Variants in DLC1 observed in about 807,000 individuals in gnomAD.
DLC1 encodes the protein DLC1 Rho GTPase activating protein, also known as rho GTPase-activating protein 7.
DLC1 carries 54 observed loss-of-function variants against 140.3 expected under a neutral mutation model. The ratio of observed to expected loss-of-function variants is 0.38; its 90% CI spans 0.31 to 0.48. The LOEUF (loss-of-function observed/expected upper bound fraction) is 0.48. Ranked by LOEUF, DLC1 falls within the 20% of genes least tolerant of loss-of-function variation. The pLI is 0.96. For missense variants in DLC1, 2,536 were observed against 1,907.0 expected (o/e 1.33, Z -6.14); for synonymous variants, 986 against 728.1 (o/e 1.35, Z -5.70).
At chr8:13,234,352 T>G (rs1414124533) in intron 5 of DLC1, among the ~76,000 whole-genome samples, 1 of 152,156 alleles carries the variant, frequency 6.6e-6, no homozygotes, top group African/African-American at 2.4e-5. Flanking sequence ...GTTCCTCATC[T>G]ACTAGTTGAA....
At chr8:13,410,909 A>G (rs910670848) in intron 2 of DLC1, among the ~76,000 whole-genome samples, 1 of 152,218 alleles carries the variant, frequency 6.6e-6, no homozygotes, top group South Asian at 2.1e-4. Context: ...TGAATGAAAT[A>G]TTCTGTTTGA....
intron 5 of DLC1, among the ~76,000 whole-genome samples, chr8:13,263,086 T>C (rs2117340583): frequency 6.6e-6 from 1 of 152,352 alleles, no homozygotes; most frequent in South Asian, 2.1e-4. Context: ...CTTGATAATT[T>C]ATCCAATATT....
At chr8:13,440,917 G>T (rs1344873328) in intron 2 of DLC1, among the ~76,000 whole-genome samples, 2 of 151,952 alleles carry the variant, frequency 1.3e-5, no homozygotes, top group Non-Finnish European at 2.9e-5. Context: ...TCTTCTTCCC[G>T]GTCTCGTGTG....
chr8:13,334,712 C>G (rs928324343), intron 4 of DLC1, among the ~76,000 whole-genome samples: 1 of 152,144 alleles, frequency 6.6e-6, no homozygotes, highest in African/African-American at 2.4e-5. Context: ...GGTGTTTGAT[C>G]TTGGCTGAAA....
intron 2 of DLC1, among the ~76,000 whole-genome samples, chr8:13,439,901 T>A (rs1798413209): frequency 1.3e-5 from 2 of 152,168 alleles, no homozygotes; most frequent in South Asian, 2.1e-4. Context: ...AAGTGAAATT[T>A]TTTTTTCTGA....
chr8:13,567,009 A>G lies in DLC1; in HGVS notation c.-126+37528T>C, dbSNP rs1206474886. The G allele has an allele frequency of 8.4e-6, 13 of 1,549,708 alleles. 2 individuals are homozygous for G. The highest frequency in any genetic ancestry group is 7.2e-5 in the South Asian group (6 of 83,838). On this transcript the variant is annotated intron_variant, in intron 1 of 1. Coordinates refer to the DLC1 transcript ENST00000631382. Reference sequence around the variant, plus strand: ...GCATTGTGATGGCCATCTGCCCAGAATTGGCCCAAACGGACAAAAGTGCTC... The same window carrying G: ...GCATTGTGATGGCCATCTGCCCAGAGTTGGCCCAAACGGACAAAAGTGCTC...
chr8:13,157,959 C>T (rs867000802), intron 5 of DLC1, among the ~76,000 whole-genome samples: 1 of 152,210 alleles, frequency 6.6e-6, no homozygotes, highest in Middle Eastern at 3.2e-3. Context: ...TAGTAGAATT[C>T]TTTGAAGTAG....
intron 5 of DLC1, chr8:13,214,815 G>C (rs1828119354): frequency 3.9e-6 from 3 of 775,128 alleles, no homozygotes; most frequent in Non-Finnish European, 7.2e-6. Flanking sequence ...AGGAGAAAAT[G>C]ATTGATTTGA....
intron 1 of DLC1, chr8:13,568,120 A>G: frequency 1.3e-6 from 1 of 752,520 alleles, no homozygotes; most frequent in Non-Finnish European, 2.0e-6. Flanking sequence ...AATAGTTATA[A>G]AAACTTTTAC....
chr8:13,297,289 A>AAAAAAAAAAAAAAAAAAAAAAAAC (rs1193610572), intron 5 of DLC1, among the ~76,000 whole-genome samples: 1 of 142,908 alleles, frequency 7.0e-6, no homozygotes, highest in African/African-American at 2.6e-5. Flanking sequence ...CATTAAAAAA[A>AAAAAAAAAAAAAAAAAAAAAAAAC]AAAAAAACTG....
At chr8:13,297,533 G>A (rs1289648800) in intron 5 of DLC1, among the ~76,000 whole-genome samples, 1 of 152,022 alleles carries the variant, frequency 6.6e-6, no homozygotes, top group Admixed American at 6.6e-5. Flanking sequence ...CATGCAAATA[G>A]AGCAAAACAT....
chr8:13,325,848 T>C (rs1833321576), intron 4 of DLC1, among the ~76,000 whole-genome samples: 1 of 152,188 alleles, frequency 6.6e-6, no homozygotes, highest in Non-Finnish European at 1.5e-5. Flanking sequence ...TAATCAGTCA[T>C]CCAATATGTA....
chr8:13,112,999 T>C (rs146640895), intron 6 of DLC1, among the ~76,000 whole-genome samples: 2 of 152,202 alleles, frequency 1.3e-5, no homozygotes, highest in Non-Finnish European at 2.9e-5. Context: ...AACTATGTTA[T>C]TTTAGGAATT....
At chr8:13,231,081 C>T (rs1829026707) in intron 5 of DLC1, among the ~76,000 whole-genome samples, 2 of 152,230 alleles carry the variant, frequency 1.3e-5, no homozygotes, top group South Asian at 4.2e-4. Flanking sequence ...TGGACCAGTA[C>T]ATACAGCACA....
In DLC1 at chr8:13,249,313, G is replaced by A. The variant is rs1211792; in HGVS notation, c.1348+55956C>T. 2.6e-3 allele frequency among the ~76,000 whole-genome samples: 400 copies of A among 152,130 alleles called. 2 individuals are homozygous for A. Among genetic ancestry groups the A allele is most frequent in the African/African-American group, 9.2e-3 (380 of 41,514 alleles). ...GGCTGGTCTCCAACTCTTGACTTCA[G>A]GCAATCCACCCGCCTCAGCCTCTCA... On this transcript the variant is annotated intron_variant, in intron 5 of 17. Coordinates refer to ENST00000276297, the MANE Select transcript of DLC1 (RefSeq NM_182643.3).
chr8:13,264,373 C>A lies in DLC1; in HGVS notation c.1348+40896G>T, dbSNP rs543323308. Among the ~76,000 whole-genome samples the A allele has an allele frequency of 9.4e-4, 143 of 152,166 alleles. 1 individual carries two copies. The highest frequency in any genetic ancestry group is 3.2e-3 in the African/African-American group (131 of 41,516). On this transcript the variant is annotated intron_variant, in intron 5 of 17. Coordinates refer to ENST00000276297, the MANE Select transcript of DLC1 (RefSeq NM_182643.3). The stretch of plus-strand genomic sequence containing the variant: ...CGGGTGTCAGCTACTGTGCCCAGCC[C>A]AGAATAAGGAACTTTATGTTCAAAC...
At chr8:13,323,919 G>C (rs1833228256) in intron 4 of DLC1, among the ~76,000 whole-genome samples, 1 of 152,204 alleles carries the variant, frequency 6.6e-6, no homozygotes. Flanking sequence ...CAAGGAGTTA[G>C]TGTAAATCAA....
Position 13,578,838 on chromosome 8 carries a change from G to T in DLC1, c.-126+25699C>A, listed in dbSNP as rs868102710. Among the ~76,000 whole-genome samples the T allele has an allele frequency of 1.1e-4, 17 of 152,084 alleles. No individual in the cohort carries two copies. The South Asian group carries it at 3.1e-3, about 28-fold the overall frequency. On this transcript the variant is annotated intron_variant, in intron 1 of 1. Transcript: ENST00000631382. Reference sequence around the variant, plus strand: ...GAAGCCCTCCAAACCCTGTCCTTTAGGTTTTCTGTGGAGACTTCATCACGT... The same window carrying T: ...GAAGCCCTCCAAACCCTGTCCTTTATGTTTTCTGTGGAGACTTCATCACGT...
intron 5 of DLC1, among the ~76,000 whole-genome samples, chr8:13,126,979 A>G (rs1232929517): frequency 6.6e-6 from 1 of 152,254 alleles, no homozygotes; most frequent in Non-Finnish European, 1.5e-5. Context: ...CTTATCAAAG[A>G]CCAATGACAA....
Sources: allele counts gnomAD v4.1 joint callset (sites outside exome capture counted in the v4.1 genomes callset), GRCh38; gene constraint gnomAD v4.1.1; transcripts MANE v1.5; gene names NCBI Gene and HGNC (gene_info 2026-07-23, HGNC 2026-07-21).